CAMTA1: variants seen among roughly 807,000 people sequenced by gnomAD.
CAMTA1 encodes the protein calmodulin binding transcription activator 1.
CAMTA1 carries 27 observed loss-of-function variants against 170.9 expected under a neutral mutation model. The ratio of observed to expected loss-of-function variants is 0.16; its 90% CI spans 0.12 to 0.22. The LOEUF (loss-of-function observed/expected upper bound fraction) is 0.22. Ranked by LOEUF, CAMTA1 falls within the 10% of genes least tolerant of loss-of-function variation. The pLI, the probability that CAMTA1 is intolerant of heterozygous loss-of-function variation, is 1.00. For synonymous variants in CAMTA1, 833 were observed against 891.5 expected, an observed-to-expected ratio of 0.93 and a Z score of 1.17; for missense variants, 1,619 against 2,217.2, an observed-to-expected ratio of 0.73 and a Z score of 5.42.
rs943821784 is a variant in CAMTA1, at chr1:7,562,213, A to G, written c.511-78187A>G. ...AGCTCCGGCCCCTCCCAAATCTGCT[A>G]TTGTAAGCACTACACAAAACTTTAA... is the stretch of plus-strand genomic sequence containing the variant. On this transcript the variant is annotated intron_variant, in intron 6 of 22. Transcript: ENST00000303635. The surrounding 1 kb of genome is among the most constrained non-coding windows in gnomAD (Gnocchi z 4.8). 6.6e-6 allele frequency among the ~76,000 whole-genome samples: 1 copy of G among 152,160 alleles called. No homozygotes were observed. Among genetic ancestry groups the G allele is most frequent in the Non-Finnish European group, 1.5e-5 (1 of 68,022 alleles).
In CAMTA1 at chr1:7,504,621, A is replaced by G. The variant is rs1005470938; in HGVS notation, c.510+36720A>G. On this transcript the variant is annotated intron_variant, in intron 6 of 22. Transcript: ENST00000303635. ...CCTGCCTGCTCCACCTGCAAGAGGG[A>G]AGAGGTTGGGGATGCACCAAAGATG... Among the ~76,000 whole-genome samples, 4 of 152,368 alleles carry G rather than the reference A, an allele frequency of 2.6e-5. No homozygotes were observed. In the Middle Eastern group the frequency reaches 0.01, roughly 389 times the overall value.
intron 4 of CAMTA1, among the ~76,000 whole-genome samples, chr1:7,123,936 G>A (rs991345878): frequency 6.6e-6 from 1 of 152,156 alleles, no homozygotes; most frequent in African/African-American, 2.4e-5. Flanking sequence ...GTCTCATGGG[G>A]TTGACCCAAG....
chr1:7,638,376 C>T (rs1448660432), intron 6 of CAMTA1, among the ~76,000 whole-genome samples: 1 of 152,192 alleles, frequency 6.6e-6, no homozygotes, highest in Non-Finnish European at 1.5e-5. Flanking sequence ...CGCAGTGGCT[C>T]ACACCGGTAA....
In CAMTA1 at chr1:7,506,742, C is replaced by T. The variant is rs990444530; in HGVS notation, c.510+38841C>T. On this transcript the variant is annotated intron_variant, in intron 6 of 22. Transcript: ENST00000303635. ...TCAAAATTCACACTAGCATCATGCT[C>T]ACACAAAATCTCACATGCTCACACT... Among the ~76,000 whole-genome samples, 6 of 151,328 alleles carry T rather than the reference C, an allele frequency of 4.0e-5. No homozygotes were observed. In the East Asian group the frequency reaches 1.2e-3, roughly 30 times the overall value.
intron 3 of CAMTA1, among the ~76,000 whole-genome samples, chr1:7,003,310 CAT>C (rs1698513444): frequency 6.6e-6 from 1 of 152,230 alleles, no homozygotes; most frequent in Non-Finnish European, 1.5e-5. Context: ...TTCAGAATAA[CAT>C]AGATTTGTTA....
intron 3 of CAMTA1, among the ~76,000 whole-genome samples, chr1:6,975,408 G>A (rs1309588192): frequency 6.6e-6 from 1 of 152,166 alleles, no homozygotes; most frequent in Non-Finnish European, 1.5e-5. Context: ...TCATCAGACT[G>A]TGGGCTCTTG....
chr1:6,842,795 A>G (rs975438584), intron 3 of CAMTA1, among the ~76,000 whole-genome samples: 12 of 152,038 alleles, frequency 7.9e-5, no homozygotes, highest in Admixed American at 2.6e-4. Flanking sequence ...ATGGTGGTGC[A>G]TGCCTGTAAT....
intron 6 of CAMTA1, among the ~76,000 whole-genome samples, chr1:7,608,177 C>T (rs192413938): frequency 1.0e-3 from 158 of 152,316 alleles, no homozygotes; most frequent in Non-Finnish European, 1.9e-3. Context: ...CCTGCCCGCT[C>T]CTCTGACTGA....
intron 6 of CAMTA1, among the ~76,000 whole-genome samples, chr1:7,533,274 G>A (rs115856141): frequency 0.036 from 5,503 of 152,280 alleles, 266 homozygotes; most frequent in African/African-American, 0.11. Flanking sequence ...CTGAGGTAGG[G>A]CACAGGCCGG....
At chr1:7,499,019 CA>C (rs1301636274) in intron 6 of CAMTA1, among the ~76,000 whole-genome samples, 6 of 41,064 alleles carry the variant, frequency 1.5e-4, no homozygotes, top group African/African-American at 1.1e-3. Context: ...CATGTGTGTC[CA>C]TGAGTGAGTG....
chr1:7,043,441 T>G (rs554748870), intron 3 of CAMTA1, among the ~76,000 whole-genome samples: 54 of 152,120 alleles, frequency 3.5e-4, no homozygotes, highest in Non-Finnish European at 7.1e-4. Flanking sequence ...CTACAGCTAT[T>G]TGGTGTTAAA....
intron 4 of CAMTA1, among the ~76,000 whole-genome samples, chr1:7,159,786 G>A (rs555164664): frequency 4.4e-4 from 67 of 152,262 alleles, no homozygotes; most frequent in South Asian, 1.7e-3. Context: ...GACCTCAAGT[G>A]ATCCTCCTGC....
chr1:7,675,076 A>G (rs2096102221), intron 10 of CAMTA1, among the ~76,000 whole-genome samples: 1 of 152,220 alleles, frequency 6.6e-6, no homozygotes, highest in Non-Finnish European at 1.5e-5. Flanking sequence ...CTTCTGGAAC[A>G]TGGATGAGCA....
At chr1:7,509,616 G>A (rs955700698) in intron 6 of CAMTA1, among the ~76,000 whole-genome samples, 7 of 152,166 alleles carry the variant, frequency 4.6e-5, no homozygotes, top group Non-Finnish European at 1.0e-4. Flanking sequence ...ATTTTAGGTG[G>A]TGTCAGAGTT....
In CAMTA1 at chr1:7,300,606, G is replaced by A. The variant is rs1674615260; in HGVS notation, c.438+50980G>A. ...GTAGGAGAATCACTTGAACCCGGGA[G>A]GCAGAGGTTGCAGTGAGCCAAGATG... On this transcript the variant is annotated intron_variant, in intron 5 of 22. Coordinates refer to ENST00000303635, the MANE Select transcript of CAMTA1 (RefSeq NM_015215.4). The surrounding 1 kb of genome is among the most constrained non-coding windows in gnomAD (Gnocchi z 4.1). 6.6e-6 allele frequency among the ~76,000 whole-genome samples: 1 copy of A among 152,120 alleles called. No individual in the cohort carries two copies.
intron 6 of CAMTA1, among the ~76,000 whole-genome samples, chr1:7,529,229 G>C (rs1239707180): frequency 2.0e-5 from 3 of 152,114 alleles, no homozygotes; most frequent in Non-Finnish European, 4.4e-5. Flanking sequence ...GGAGGAGTGG[G>C]GCAGAGATGG....
intron 5 of CAMTA1, among the ~76,000 whole-genome samples, chr1:7,452,687 G>A (rs1358230344): frequency 1.3e-5 from 2 of 152,154 alleles, no homozygotes; most frequent in Admixed American, 6.5e-5. Context: ...ATGTTGTGGC[G>A]CATGTCAGCT....
At position 6,825,197 on chromosome 1, in the gene CAMTA1, G is replaced by A; in HGVS notation, c.221G>A (p.Trp74Ter). ...AGTTTACCAAAAGAGAGGCACCGCT[G>A]GAACACTAATGAGGTAGATAAGTTT... ...CSSLPKERHR[W>*]NTNEEIAAYL... is the part of the protein sequence containing the mutation. Residue 74 changes from tryptophan to a stop codon, truncating the protein, a stop_gained, in exon 3 of 23, where the codon TGG (tryptophan) becomes TAG (stop). Coordinates refer to ENST00000303635, the MANE Select transcript of CAMTA1 (RefSeq NM_015215.4). LOFTEE classifies it high-confidence loss of function. 6.3e-7 allele frequency: 1 copy of A among 1,593,634 alleles called. No individual in the cohort carries two copies. Among genetic ancestry groups the A allele is most frequent in the Non-Finnish European group, 8.6e-7 (1 of 1,167,634 alleles).
At chr1:7,687,309 G>A (rs561541336) in intron 11 of CAMTA1, among the ~76,000 whole-genome samples, 9 of 150,648 alleles carry the variant, frequency 6.0e-5, no homozygotes, top group African/African-American at 1.9e-4. Context: ...AAGAAACGAA[G>A]GTGTTTCAAA....
Sources: gnomAD v4.1 joint callset for allele counts (sites outside exome capture counted in the v4.1 genomes callset) on GRCh38, gnomAD v4.1.1 for gene constraint, Gnocchi (gnomAD v3.1) non-coding constraint, MANE v1.5 for transcripts, NCBI Gene and HGNC (gene_info 2026-07-23, HGNC 2026-07-21) for gene names.